UGT1A10: variants seen among roughly 807,000 people sequenced by gnomAD.
The protein encoded by UGT1A10 is UDP-glucuronosyltransferase 1A10.
A neutral mutation model predicts 45.8 loss-of-function variants in UGT1A10; 49 were observed. The observed-to-expected ratio is 1.07, with a 90% CI of 0.85 to 1.36. UGT1A10 has a LOEUF of 1.36. Ranked by LOEUF, UGT1A10 falls within the 40% of genes most tolerant of loss-of-function variation. The probability of loss-of-function intolerance (pLI) is 0.00; values close to 1 mark genes in which losing one functional copy is unlikely to be tolerated. For synonymous variants in UGT1A10, 284 were observed against 249.7 expected, an observed-to-expected ratio of 1.14 and a Z score of -1.29; for missense variants, 745 against 668.6, an observed-to-expected ratio of 1.11 and a Z score of -1.26.
At chr2:233,738,575 G>GGA (rs1690841736) in intron 1 of UGT1A10, among the ~76,000 whole-genome samples, 1 of 152,198 alleles carries the variant, frequency 6.6e-6, no homozygotes, top group African/African-American at 2.4e-5. Flanking sequence ...GTTGAGAACT[G>GGA]GAGCAAAGGT....
rs764275523 is a variant in UGT1A10, at chr2:233,672,767, A to G, written c.855+35390A>G. On this transcript the variant is annotated intron_variant, in intron 1 of 4. Transcript: ENST00000344644. ...ATCTTCATTGGTGGTATCAACTGCC[A>G]TCAGGGAAAGCCGTTGCCTATGGTA... 1.9e-6 allele frequency: 3 copies of G among 1,613,804 alleles called. No individual in the cohort carries two copies. Among genetic ancestry groups the G allele is most frequent in the Non-Finnish European group, 2.5e-6 (3 of 1,179,748 alleles).
At chr2:233,735,575 C>T (rs1354708625) in intron 1 of UGT1A10, among the ~76,000 whole-genome samples, 1 of 152,032 alleles carries the variant, frequency 6.6e-6, no homozygotes, top group Non-Finnish European at 1.5e-5. Flanking sequence ...GGTTATTTTG[C>T]CCGTTAATTG....
intron 1 of UGT1A10, among the ~76,000 whole-genome samples, chr2:233,645,206 C>T (rs1054082372): frequency 6.6e-6 from 1 of 152,188 alleles, no homozygotes; most frequent in Admixed American, 6.5e-5. Flanking sequence ...GACTTATTCA[C>T]TATCAAGAGA....
chr2:233,723,771 G>A (rs1183544101), intron 1 of UGT1A10, among the ~76,000 whole-genome samples: 1 of 58,926 alleles, frequency 1.7e-5, no homozygotes, highest in Non-Finnish European at 2.9e-5. Flanking sequence ...GTTTAACAAA[G>A]CACATCTTGC....
chr2:233,769,592 C>T lies in UGT1A10; in HGVS notation c.1295+1153C>T, dbSNP rs199786512. ...TGGAGCATGTTCAGATGAGAGGAGA[C>T]GGAACACGGGGACACACCAGCTTGA... On this transcript the variant is annotated intron_variant, in intron 4 of 4. Transcript: ENST00000344644. This position sits in a 1 kb window ranked among gnomAD's most constrained non-coding sequence, Gnocchi z 4.4. The T allele has an allele frequency of 1.8e-3, 2,836 of 1,612,822 alleles. 7 individuals carry two copies. The highest frequency in any genetic ancestry group is 2.6e-3 in the Middle Eastern group (16 of 6,052).
chr2:233,737,046 A>C (rs1237112865), intron 1 of UGT1A10, among the ~76,000 whole-genome samples: 1 of 152,204 alleles, frequency 6.6e-6, no homozygotes, highest in Non-Finnish European at 1.5e-5. Context: ...CAAATGCCAT[A>C]CTAGGAGAAC....
rs2073299250 is a variant in UGT1A10, at chr2:233,636,675, G to T, written c.153G>T (p.Arg51Ser). 6.2e-7 allele frequency: 1 copy of T among 1,614,012 alleles called. No homozygotes were observed. Among genetic ancestry groups the T allele is most frequent in the Admixed American group, 1.7e-5 (1 of 59,988 alleles). Residue 51 changes from arginine to serine, a missense_variant, in exon 1 of 5, where the codon AGG becomes AGT. Arg to Ser is a moderately radical substitution (Grantham distance 110, BLOSUM62 -1). Coordinates refer to ENST00000344644, the MANE Select transcript of UGT1A10 (RefSeq NM_019075.4). Reference protein sequence around the residue: ...MQSVVEKLILRGHEVVVVMPE... With the variant: ...MQSVVEKLILSGHEVVVVMPE... ...CGGTGGTGGAGAAACTTATCCTCAG[G>T]GGGCATGAGGTGGTTGTAGTCATGC...
At chr2:233,746,301 T>C (rs1399652161) in intron 1 of UGT1A10, among the ~76,000 whole-genome samples, 3 of 151,760 alleles carry the variant, frequency 2.0e-5, no homozygotes, top group African/African-American at 7.3e-5. Flanking sequence ...TTTGTTTCCC[T>C]TGGAGGGCCC....
In UGT1A10 at chr2:233,650,990, C is replaced by T. The variant is rs186175565; in HGVS notation, c.855+13613C>T. On this transcript the variant is annotated intron_variant, in intron 1 of 4. Coordinates refer to ENST00000344644, the MANE Select transcript of UGT1A10 (RefSeq NM_019075.4). ...TAACACAGTTGTATGTCTCACACAT[C>T]GGCAGCTGTTTGGTAAAGGATTGAC... 1.4e-3 allele frequency among the ~76,000 whole-genome samples: 213 copies of T among 152,256 alleles called. 3 individuals carry two copies. The highest frequency in any genetic ancestry group is 4.8e-3 in the African/African-American group (201 of 41,548).
intron 4 of UGT1A10, chr2:233,771,308 TC>T (rs1375108743): frequency 6.6e-6 from 1 of 152,198 alleles, no homozygotes; most frequent in African/African-American, 2.4e-5. Context: ...CTCCTCCTTT[TC>T]CCTCTCCTCT....
chr2:233,755,241 A>G (rs535521102), intron 1 of UGT1A10: 33 of 865,204 alleles, frequency 3.8e-5, no homozygotes, highest in Non-Finnish European at 5.6e-5. Context: ...CTACCGGGGT[A>G]CTCCCAGCAC....
chr2:233,729,850 G>C (rs916795505), intron 1 of UGT1A10: 6 of 1,613,870 alleles, frequency 3.7e-6, no homozygotes, highest in Non-Finnish European at 5.1e-6. Context: ...TTTTCAGAGA[G>C]AGGTGTCAGT....
At chr2:233,770,680 G>T (rs940972002) in intron 4 of UGT1A10, 1 of 151,464 alleles carries the variant, frequency 6.6e-6, no homozygotes, top group African/African-American at 2.4e-5. Flanking sequence ...AAAAAAGAAG[G>T]TTCCAAGAAA....
intron 1 of UGT1A10, chr2:233,719,470 C>T (rs568794982): frequency 6.2e-7 from 1 of 1,613,998 alleles, no homozygotes; most frequent in South Asian, 1.1e-5. Flanking sequence ...ATGCTCTACC[C>T]TCTGGCCCTG....
rs748278314 is a variant in UGT1A10, at chr2:233,637,027, A to G, written c.505A>G (p.Thr169Ala). 20 of 1,613,894 alleles carry G rather than the reference A, an allele frequency of 1.2e-5. No homozygotes were observed. Among genetic ancestry groups the G allele is most frequent in the Non-Finnish European group, 1.5e-5 (18 of 1,179,956 alleles). ...KYFSLPSVVF[T>A]RGIFCHHLEE... ...TTTCTCCCTCCCCTCTGTGGTCTTC[A>G]CCAGGGGAATATTTTGCCACCATCT... The change falls in exon 1 of 5, where the codon ACC becomes GCC. Residue 169 changes from threonine (T) to alanine (A), a missense_variant. Physicochemically the swap from Thr to Ala is moderately conservative, Grantham distance 58. Coordinates refer to ENST00000344644, the MANE Select transcript of UGT1A10 (RefSeq NM_019075.4).
intron 1 of UGT1A10, among the ~76,000 whole-genome samples, chr2:233,704,462 A>G (rs989153575): frequency 1.3e-5 from 2 of 151,938 alleles, no homozygotes; most frequent in African/African-American, 4.8e-5. Flanking sequence ...ATATAGCTCT[A>G]TTTCCTTTCT....
intron 1 of UGT1A10, among the ~76,000 whole-genome samples, chr2:233,746,037 G>T (rs1056217183): frequency 1.8e-4 from 28 of 151,826 alleles, no homozygotes; most frequent in Non-Finnish European, 4.1e-4. Flanking sequence ...CTTACTTGCT[G>T]GCTTGGATGC....
chr2:233,642,887 ACTCT>A (rs143675434), intron 1 of UGT1A10, among the ~76,000 whole-genome samples: 5 of 142,788 alleles, frequency 3.5e-5, no homozygotes, highest in African/African-American at 5.1e-5. Context: ...TCTCTCTCTC[ACTCT>A]CTCTCTCTCT....
intron 1 of UGT1A10, among the ~76,000 whole-genome samples, chr2:233,658,106 C>T (rs538052833): frequency 2.0e-5 from 3 of 151,590 alleles, no homozygotes; most frequent in East Asian, 3.9e-4. Flanking sequence ...GCAACCTCTG[C>T]CTCCTGGGTT....
Sources: gnomAD v4.1 joint callset for allele counts (sites outside exome capture counted in the v4.1 genomes callset) on GRCh38, gnomAD v4.1.1 for gene constraint, Gnocchi (gnomAD v3.1) non-coding constraint, MANE v1.5 for transcripts, NCBI Gene and HGNC (gene_info 2026-07-23, HGNC 2026-07-21) for gene names.